The following AGBL1 variants were observed in gnomAD, a reference collection of about 807,000 sequenced individuals.
The protein encoded by AGBL1 is AGBL carboxypeptidase 1, also known as cytosolic carboxypeptidase 4.
In AGBL1, 130 loss-of-function variants were observed where a neutral mutation model predicts 118.9. That is an observed-to-expected ratio of 1.09 (90% CI 0.95 to 1.26). The LOEUF is 1.26. Among genes scored for constraint, AGBL1 ranks in the 50% most tolerant of loss-of-function variants. The probability of loss-of-function intolerance (pLI) is 0.00; values close to 1 mark genes in which losing one functional copy is unlikely to be tolerated. For synonymous variants in AGBL1, 555 were observed against 478.9 expected (o/e 1.16, Z -2.08); for missense variants, 1,584 against 1,298.1 (o/e 1.22, Z -3.38).
At chr15:86,492,005 G>T (rs1201578941) in intron 18 of AGBL1, among the ~76,000 whole-genome samples, 1 of 152,024 alleles carries the variant, frequency 6.6e-6, no homozygotes, top group Non-Finnish European at 1.5e-5. Flanking sequence ...GCCCTTGAAA[G>T]TTGATTTTAC....
intron 23 of AGBL1, among the ~76,000 whole-genome samples, chr15:86,937,714 G>A: frequency 6.6e-6 from 1 of 152,186 alleles, no homozygotes; most frequent in East Asian, 1.9e-4. Flanking sequence ...CTTAATACCT[G>A]GGTGATGAAA....
At chr15:86,096,052 T>C (rs1389075195) in intron 1 of AGBL1, among the ~76,000 whole-genome samples, 2 of 152,180 alleles carry the variant, frequency 1.3e-5, no homozygotes, top group Admixed American at 6.6e-5. Flanking sequence ...CGTAAATTTA[T>C]ACATTAAAAT....
intron 22 of AGBL1, among the ~76,000 whole-genome samples, chr15:86,688,241 A>G (rs1205974932): frequency 1.3e-5 from 2 of 151,802 alleles, no homozygotes; most frequent in East Asian, 3.9e-4. Context: ...CAACATAAAG[A>G]TGATATTTAG....
Position 86,755,488 on chromosome 15 carries a change from A to G in AGBL1, c.3158+81052A>G, listed in dbSNP as rs139428353. Among the ~76,000 whole-genome samples the G allele has an allele frequency of 2.5e-3, 380 of 152,224 alleles. 3 individuals are homozygous for G. The highest frequency in any genetic ancestry group is 8.2e-3 in the African/African-American group (339 of 41,558). ...AGTTGCCCATCTTCTTCAAGGAGCAATGGACACCACTGCCATTTCCTGAGT... is the reference window on the plus strand; with the variant it reads ...AGTTGCCCATCTTCTTCAAGGAGCAGTGGACACCACTGCCATTTCCTGAGT... On this transcript the variant is annotated intron_variant, in intron 22 of 22. Coordinates refer to ENST00000614907, the MANE Select transcript of AGBL1 (RefSeq NM_001386094.1).
At chr15:86,378,617 T>G in intron 17 of AGBL1, among the ~76,000 whole-genome samples, 1 of 152,220 alleles carries the variant, frequency 6.6e-6, no homozygotes, top group Non-Finnish European at 1.5e-5. Context: ...GCATTTCCTA[T>G]GTATTTGGCT....
chr15:86,221,737 C>A (rs1489412077), intron 5 of AGBL1, among the ~76,000 whole-genome samples: 1 of 151,908 alleles, frequency 6.6e-6, no homozygotes, highest in Non-Finnish European at 1.5e-5. Context: ...ACATCCAAAA[C>A]AACATATTTA....
At chr15:86,799,241 A>ATATG (rs904981895) in intron 22 of AGBL1, among the ~76,000 whole-genome samples, 38 of 151,952 alleles carry the variant, frequency 2.5e-4, no homozygotes, top group African/African-American at 8.7e-4. Flanking sequence ...GGTTAGTTAC[A>ATATG]TATGTATACA....
intron 21 of AGBL1, among the ~76,000 whole-genome samples, chr15:86,619,454 T>C (rs1167120482): frequency 6.6e-6 from 1 of 152,200 alleles, no homozygotes; most frequent in Non-Finnish European, 1.5e-5. Context: ...TCAGATTTCA[T>C]TAGCTTTTGA....
At chr15:86,453,315 T>C (rs868454209) in intron 18 of AGBL1, among the ~76,000 whole-genome samples, 1 of 152,208 alleles carries the variant, frequency 6.6e-6, no homozygotes, top group African/African-American at 2.4e-5. Flanking sequence ...TATTCCCTTC[T>C]CTACAGAAAC....
At chr15:87,017,236 G>A (rs2081615961) in intron 24 of AGBL1, among the ~76,000 whole-genome samples, 1 of 152,112 alleles carries the variant, frequency 6.6e-6, no homozygotes, top group Non-Finnish European at 1.5e-5. Context: ...CAGTCCAGAT[G>A]AGGAAGGGTC....
At chr15:86,850,279 T>C (rs1200995485) in intron 22 of AGBL1, among the ~76,000 whole-genome samples, 1 of 152,144 alleles carries the variant, frequency 6.6e-6, no homozygotes, top group Non-Finnish European at 1.5e-5. Flanking sequence ...ATTCATTTCT[T>C]CATCCATTAT....
At chr15:86,482,322 ATTG>A (rs761632851) in intron 18 of AGBL1, among the ~76,000 whole-genome samples, 1 of 152,126 alleles carries the variant, frequency 6.6e-6, no homozygotes, top group Non-Finnish European at 1.5e-5. Flanking sequence ...GTTATTAATT[ATTG>A]TTATTATTGA....
chr15:86,950,278 A>G (rs1235236178), intron 23 of AGBL1, among the ~76,000 whole-genome samples: 2 of 151,766 alleles, frequency 1.3e-5, no homozygotes, highest in Admixed American at 6.6e-5. Context: ...TTAAAACAAG[A>G]AAATAATAAA....
rs2080319299 is a variant in AGBL1, at chr15:86,909,231, ATTTGAAG to A, written c.*1946_*1952del. On this transcript the variant is annotated 3_prime_UTR_variant, in exon 23 of 23. Coordinates refer to ENST00000614907, the MANE Select transcript of AGBL1 (RefSeq NM_001386094.1). ...TTTATTTGAGGTGGGCCCAGCTAAAATTTGAAGTTTGAAGTAAAAGTCTGAATACTAA... is the reference window on the plus strand; with the variant it reads ...TTTATTTGAGGTGGGCCCAGCTAAAATTTGAAGTAAAAGTCTGAATACTAA... 6.6e-6 allele frequency: 1 copy of A among 152,256 alleles called. No homozygotes were observed. The highest frequency in any genetic ancestry group is 2.4e-5 in the African/African-American group (1 of 41,474). The allele number at this position is 152,256 out of a possible 1,614,324, so 9.4% of individuals were successfully genotyped here.
At chr15:86,935,416 A>G (rs2063867230) in intron 23 of AGBL1, among the ~76,000 whole-genome samples, 1 of 152,236 alleles carries the variant, frequency 6.6e-6, no homozygotes, top group Admixed American at 6.5e-5. Flanking sequence ...AGGAGAAGAC[A>G]GAGAAGGTAA....
chr15:86,744,319 C>T (rs978351316), intron 22 of AGBL1, among the ~76,000 whole-genome samples: 1 of 152,072 alleles, frequency 6.6e-6, no homozygotes, highest in African/African-American at 2.4e-5. Context: ...GCTTTCTGCT[C>T]AGGAATAAAT....
At chr15:86,160,559 T>G (rs1485319285) in intron 5 of AGBL1, among the ~76,000 whole-genome samples, 1 of 152,184 alleles carries the variant, frequency 6.6e-6, no homozygotes, top group Non-Finnish European at 1.5e-5. Flanking sequence ...ATATGTCTCA[T>G]TTTTATCATT....
intron 21 of AGBL1, among the ~76,000 whole-genome samples, chr15:86,614,016 G>A (rs79664728): frequency 0.014 from 2,179 of 152,262 alleles, 50 homozygotes; most frequent in African/African-American, 0.049. Flanking sequence ...AACTTATCCC[G>A]CTGAGTTGTT....
intron 21 of AGBL1, among the ~76,000 whole-genome samples, chr15:86,654,539 T>G (rs888815411): frequency 3.3e-5 from 5 of 152,190 alleles, no homozygotes; most frequent in African/African-American, 1.2e-4. Context: ...TTAGTGTCCA[T>G]TAGTACCAGG....
Sources: gnomAD v4.1 joint callset for allele counts (sites outside exome capture counted in the v4.1 genomes callset) on GRCh38, gnomAD v4.1.1 for gene constraint, MANE v1.5 for transcripts, NCBI Gene and HGNC (gene_info 2026-07-23, HGNC 2026-07-21) for gene names.